Variants in ACACA observed in about 807,000 individuals in gnomAD.
The protein encoded by ACACA is acetyl-CoA carboxylase 1.
A neutral mutation model predicts 296.1 loss-of-function variants in ACACA; 103 were observed. The ratio of observed to expected loss-of-function variants is 0.35; its 90% CI spans 0.30 to 0.41. The LOEUF (loss-of-function observed/expected upper bound fraction) is 0.41, where lower values mean the gene tolerates loss of function less well. Among genes scored for constraint, ACACA ranks in the 10% least tolerant of loss-of-function variants. The probability of loss-of-function intolerance (pLI) is 1.00; values close to 1 mark genes in which losing one functional copy is unlikely to be tolerated. For synonymous variants in ACACA, 953 were observed against 1,038.6 expected, an observed-to-expected ratio of 0.92 and a Z score of 1.58; for missense variants, 1,554 against 2,989.7, an observed-to-expected ratio of 0.52 and a Z score of 11.20.
At chr17:37,124,024 G>A (rs1007612332) in intron 48 of ACACA, among the ~76,000 whole-genome samples, 9 of 152,276 alleles carry the variant, frequency 5.9e-5, no homozygotes, top group African/African-American at 1.9e-4. Context: ...CCTGGACAAG[G>A]TGCCATGGAA....
rs577401627 is a variant in ACACA, at chr17:37,143,796, C to T, written c.5679+6068G>A. 3.0e-5 allele frequency: 35 copies of T among 1,157,792 alleles called. No individual in the cohort carries two copies. The South Asian group carries it at 3.9e-4, about 13-fold the overall frequency. The allele number at this position is 1,157,792 out of a possible 1,614,324, so 71.7% of individuals were successfully genotyped here. On this transcript the variant is annotated intron_variant, in intron 45 of 55. Coordinates refer to ENST00000616317, the MANE Select transcript of ACACA (RefSeq NM_198834.3). ...CAACTCCCTTTTTTGCTGCATCAGG[C>T]TTTCCTTTAGCTCAATATGCAGCAG...
At chr17:37,389,175 C>T in intron 1 of ACACA, 2 of 1,513,244 alleles carry the variant, frequency 1.3e-6, no homozygotes, top group Non-Finnish European at 1.8e-6. Context: ...AGTTGCCCAA[C>T]AAGAGGTTTG....
intron 8 of ACACA, chr17:37,274,767 G>A: frequency 1.7e-6 from 1 of 594,642 alleles, no homozygotes; most frequent in African/African-American, 2.0e-5. Context: ...CCTGTACTCA[G>A]CCATAAGGGG....
intron 1 of ACACA, chr17:37,378,020 C>G: frequency 1.3e-6 from 2 of 1,492,688 alleles, no homozygotes; most frequent in South Asian, 2.3e-5. Flanking sequence ...AAATTTTTAC[C>G]TTTAAAAGAT....
At chr17:37,349,651 G>C (rs1165565515) in intron 1 of ACACA, among the ~76,000 whole-genome samples, 1 of 150,212 alleles carries the variant, frequency 6.7e-6, no homozygotes, top group Admixed American at 6.7e-5. Flanking sequence ...CCGCCTCCCA[G>C]GTTCAAACAA....
At position 37,179,123 on chromosome 17, in the gene ACACA, TACTC is replaced by T. The variant is rs1847449428; in HGVS notation, c.5079+133_5079+136del. 1.1e-5 allele frequency: 12 copies of T among 1,072,932 alleles called. No individual in the cohort carries two copies. The South Asian group carries it at 1.6e-4, about 14-fold the overall frequency. The allele number at this position is 1,072,932 out of a possible 1,614,324, so 66.5% of individuals were successfully genotyped here. On this transcript the variant is annotated intron_variant, in intron 41 of 55. Transcript: ENST00000616317. ...ACCTAAAAAATTAATAATTTCTTGATACTCAGTCAATGCTCTCTCTAAAGAACTC... is the reference window on the plus strand; with the variant it reads ...ACCTAAAAAATTAATAATTTCTTGATAGTCAATGCTCTCTCTAAAGAACTC...
chr17:37,277,179 T>A, intron 6 of ACACA, 65 bp from the exon 7 acceptor site: 7 of 1,432,120 alleles, frequency 4.9e-6, no homozygotes, highest in Non-Finnish European at 6.9e-6. Context: ...ACTGCAAGAG[T>A]CTCTATCCAG....
At chr17:37,351,008 C>T (rs991351233) in intron 1 of ACACA, among the ~76,000 whole-genome samples, 8 of 151,848 alleles carry the variant, frequency 5.3e-5, no homozygotes, top group African/African-American at 1.7e-4. Flanking sequence ...TGGAGCGTGG[C>T]GCATGCCCAT....
chr17:37,404,865 A>G (rs1230718470), intron 1 of ACACA, among the ~76,000 whole-genome samples: 1 of 152,118 alleles, frequency 6.6e-6, no homozygotes, highest in East Asian at 1.9e-4. Context: ...GGTGTGAGCC[A>G]CCGCTCCCAG....
At chr17:37,149,672 A>AAATG (rs537722250) in intron 45 of ACACA, among the ~76,000 whole-genome samples, 192 bp downstream of exon 45, 22 of 152,320 alleles carry the variant, frequency 1.4e-4, no homozygotes, top group Middle Eastern at 3.4e-3. Context: ...TTGATAAATG[A>AAATG]AATGAATGAA....
intron 7 of ACACA, among the ~76,000 whole-genome samples, chr17:37,276,360 A>G (rs2082284448): frequency 6.6e-6 from 1 of 152,262 alleles, no homozygotes; most frequent in Non-Finnish European, 1.5e-5. Context: ...CCAGATCAAT[A>G]AAGTCTTCTT....
intron 3 of ACACA, among the ~76,000 whole-genome samples, chr17:37,298,003 G>C (rs2083439009): frequency 6.6e-6 from 1 of 152,056 alleles, no homozygotes; most frequent in Non-Finnish European, 1.5e-5. Context: ...TGTTGACCAG[G>C]CTGCAGTGCA....
At chr17:37,224,261 G>A (rs1384875668) in intron 27 of ACACA, among the ~76,000 whole-genome samples, 1 of 152,052 alleles carries the variant, frequency 6.6e-6, no homozygotes, top group Non-Finnish European at 1.5e-5. Context: ...CCCTAGATTT[G>A]AACTCCAGTT....
Position 37,274,232 on chromosome 17 carries a change from A to G in ACACA, c.969T>C (p.Tyr323=), listed in dbSNP as rs2082181963. ...CCACATCTTTCACATAACCTTTTTCATATAGCTCCTGGGGAACATTTAAGA... is the reference window on the plus strand; with the variant it reads ...CCACATCTTTCACATAACCTTTTTCGTATAGCTCCTGGGGAACATTTAAGA... ...KRILNVPQEL[Y]EKGYVKDVDD... The change falls in exon 9 of 56, where the codon TAT becomes TAC. Residue 323 remains tyrosine, a synonymous_variant. Coordinates refer to ENST00000616317, the MANE Select transcript of ACACA (RefSeq NM_198834.3). 1 of 1,614,054 alleles carries G rather than the reference A, an allele frequency of 6.2e-7. No homozygotes were observed. The highest frequency in any genetic ancestry group is 1.7e-5 in the Admixed American group (1 of 59,996).
intron 1 of ACACA, among the ~76,000 whole-genome samples, chr17:37,397,686 C>G (rs533343958): frequency 6.6e-6 from 1 of 152,140 alleles, no homozygotes; most frequent in African/African-American, 2.4e-5. Flanking sequence ...CCTGATTTGT[C>G]AGTGATCAAA....
At chr17:37,340,237 A>G (rs1436559237) in intron 1 of ACACA, among the ~76,000 whole-genome samples, 1 of 152,240 alleles carries the variant, frequency 6.6e-6, no homozygotes, top group African/African-American at 2.4e-5. Flanking sequence ...TTATGTTTAC[A>G]AGCGGTTACA....
chr17:37,207,600 C>T, intron 31 of ACACA, 57 bp downstream of exon 31: 3 of 1,605,982 alleles, frequency 1.9e-6, no homozygotes. Context: ...AGATGAGACC[C>T]CAAAACACAG....
intron 45 of ACACA, chr17:37,143,698 T>TTCTTCATCTTCCTCCTCCTCATCC (rs1268906099): frequency 1.1e-6 from 1 of 910,712 alleles, no homozygotes; most frequent in Non-Finnish European, 1.8e-6. Context: ...CATCATCATC[T>TTCTTCATCTTCCTCCTCCTCATCC]TCTTCATCTT....
At chr17:37,129,767 T>G (rs577237802) in intron 46 of ACACA, among the ~76,000 whole-genome samples, 15 of 152,258 alleles carry the variant, frequency 9.9e-5, no homozygotes, top group African/African-American at 3.4e-4. Context: ...TGAATGGCTA[T>G]TACAGAGGAG....
Sources: allele counts gnomAD v4.1 joint callset (sites outside exome capture counted in the v4.1 genomes callset), GRCh38; gene constraint gnomAD v4.1.1; transcripts MANE v1.5; gene names NCBI Gene and HGNC (gene_info 2026-07-23, HGNC 2026-07-21).